TNFRSF19: variants seen among roughly 807,000 people sequenced by gnomAD.
TNFRSF19 encodes the protein TNF receptor superfamily member 19.
A neutral mutation model predicts 46.4 loss-of-function variants in TNFRSF19; 27 were observed. The ratio of observed to expected loss-of-function variants is 0.58; its 90% CI spans 0.43 to 0.80. The LOEUF is 0.80. Among genes scored for constraint, TNFRSF19 ranks in the 30% least tolerant of loss-of-function variants. The pLI is 0.00. For missense variants in TNFRSF19, 511 were observed against 530.8 expected, an observed-to-expected ratio of 0.96 and a Z score of 0.37; for synonymous variants, 204 against 205.0, an observed-to-expected ratio of 1.00 and a Z score of 0.04.
intron 3 of TNFRSF19, among the ~76,000 whole-genome samples, chr13:23,612,799 C>G (rs2138246031): frequency 6.6e-6 from 1 of 152,154 alleles, no homozygotes; most frequent in South Asian, 2.1e-4. Context: ...CCACAAAGAC[C>G]TCCACCACAT....
At chr13:23,625,473 C>T (rs543854242) in intron 4 of TNFRSF19, among the ~76,000 whole-genome samples, 44 of 151,922 alleles carry the variant, frequency 2.9e-4, no homozygotes, top group African/African-American at 9.4e-4. Flanking sequence ...GGACTACAGG[C>T]GCCCGCCACC....
chr13:23,651,838 G>GCC (rs1883655871), intron 5 of TNFRSF19, among the ~76,000 whole-genome samples: 1 of 43,136 alleles, frequency 2.3e-5, no homozygotes, highest in South Asian at 7.3e-4. Flanking sequence ...TCACACTATA[G>GCC]TCTTTTTTTT....
chr13:23,642,678 C>T (rs1007254342), intron 5 of TNFRSF19, among the ~76,000 whole-genome samples: 2 of 152,210 alleles, frequency 1.3e-5, no homozygotes, highest in Admixed American at 6.5e-5. Context: ...CTTGTTATCA[C>T]ACATGGACCA....
intron 1 of TNFRSF19, among the ~76,000 whole-genome samples, chr13:23,578,995 C>T (rs1878167529): frequency 6.6e-6 from 1 of 152,262 alleles, no homozygotes; most frequent in Admixed American, 6.5e-5. Context: ...ACCTGGCCGC[C>T]GTATCCCCTC....
chr13:23,575,482 C>G (rs1877894080), intron 1 of TNFRSF19, among the ~76,000 whole-genome samples: 1 of 152,200 alleles, frequency 6.6e-6, no homozygotes, highest in Non-Finnish European at 1.5e-5. Context: ...GGGCATTGGC[C>G]TCACGGTGCT....
At chr13:23,655,738 G>GCCC (rs11335098) in intron 5 of TNFRSF19, among the ~76,000 whole-genome samples, 6 of 149,926 alleles carry the variant, frequency 4.0e-5, no homozygotes, top group African/African-American at 1.2e-4. Context: ...GTATAAATCT[G>GCCC]CCCCCCCCCC....
intron 3 of TNFRSF19, among the ~76,000 whole-genome samples, chr13:23,597,310 GT>G (rs906474753): frequency 1.3e-5 from 2 of 151,602 alleles, no homozygotes; most frequent in Admixed American, 1.3e-4. Context: ...TCCAGGAGCT[GT>G]TTTTTTTAAA....
At chr13:23,661,484 A>G (rs889959643) in intron 7 of TNFRSF19, among the ~76,000 whole-genome samples, 12 of 152,192 alleles carry the variant, frequency 7.9e-5, no homozygotes, top group African/African-American at 2.9e-4. Context: ...GCTATTGTGA[A>G]TAGTGCAGCA....
rs9580705 is a variant in TNFRSF19 at position 23,638,252 on chromosome 13, G to C, written c.445+11460G>C. Among the ~76,000 whole-genome samples, 1,242 of 152,104 alleles carry C rather than the reference G, an allele frequency of 8.2e-3. 16 individuals carry two copies. Among genetic ancestry groups the C allele is most frequent in the African/African-American group, 0.029 (1,185 of 41,386 alleles). ...TCTCATGTTTGTGAGAAACACTGTA[G>C]GTAATCTGCTGCCATTGTGCAGCTT... is the stretch of plus-strand genomic sequence containing the variant. On this transcript the variant is annotated intron_variant, in intron 5 of 9. Transcript: ENST00000248484.
At chr13:23,576,603 T>C (rs1056878077) in intron 1 of TNFRSF19, among the ~76,000 whole-genome samples, 1 of 152,182 alleles carries the variant, frequency 6.6e-6, no homozygotes, top group Non-Finnish European at 1.5e-5. Flanking sequence ...GATACCAAAA[T>C]CTGCAAATGC....
chr13:23,637,512 G>A (rs1422336564), intron 5 of TNFRSF19, among the ~76,000 whole-genome samples: 2 of 152,168 alleles, frequency 1.3e-5, no homozygotes, highest in South Asian at 2.1e-4. Context: ...GTGCTTTGCC[G>A]TAAGTCCTGT....
intron 5 of TNFRSF19, among the ~76,000 whole-genome samples, chr13:23,635,788 T>C (rs1337694972): frequency 6.6e-6 from 1 of 152,252 alleles, no homozygotes; most frequent in Non-Finnish European, 1.5e-5. Context: ...GTTTTCTTAA[T>C]TAAATATTTA....
At chr13:23,607,323 A>G (rs1332386973) in intron 3 of TNFRSF19, among the ~76,000 whole-genome samples, 1 of 152,030 alleles carries the variant, frequency 6.6e-6, no homozygotes, top group East Asian at 1.9e-4. Flanking sequence ...AATCCCAGCT[A>G]CTCAGGAGGC....
intron 3 of TNFRSF19, among the ~76,000 whole-genome samples, chr13:23,603,011 A>G (rs1880271273): frequency 6.6e-6 from 1 of 152,082 alleles, no homozygotes; most frequent in South Asian, 2.1e-4. Context: ...GCAGAAATCA[A>G]TGAAATTAAA....
intron 4 of TNFRSF19, among the ~76,000 whole-genome samples, chr13:23,619,587 C>A (rs955467235): frequency 5.9e-5 from 9 of 152,166 alleles, no homozygotes; most frequent in Non-Finnish European, 1.3e-4. Context: ...GGTCTATAAT[C>A]TCAGACCTGT....
intron 5 of TNFRSF19, among the ~76,000 whole-genome samples, chr13:23,657,325 C>T (rs1043825160): frequency 1.3e-5 from 2 of 152,062 alleles, no homozygotes; most frequent in African/African-American, 4.8e-5. Flanking sequence ...AGGTGTCATA[C>T]GATCTTATTG....
chr13:23,595,461 A>G (rs534621573), intron 3 of TNFRSF19, among the ~76,000 whole-genome samples: 3 of 152,334 alleles, frequency 2.0e-5, no homozygotes, highest in South Asian at 2.1e-4. Context: ...TTCATGAAGC[A>G]TACACAAGTA....
intron 7 of TNFRSF19, among the ~76,000 whole-genome samples, chr13:23,662,821 C>T (rs542774300): frequency 7.9e-5 from 12 of 152,182 alleles, no homozygotes; most frequent in African/African-American, 2.9e-4. Flanking sequence ...TTGGCTTGGC[C>T]GTTGTTGGTG....
intron 3 of TNFRSF19, among the ~76,000 whole-genome samples, chr13:23,594,925 G>T (rs1310205067): frequency 6.6e-6 from 1 of 152,210 alleles, no homozygotes; most frequent in Admixed American, 6.5e-5. Flanking sequence ...GGAACAGGCA[G>T]CAGTCTTTGC....
Sources: allele counts gnomAD v4.1 joint callset (sites outside exome capture counted in the v4.1 genomes callset), GRCh38; gene constraint gnomAD v4.1.1; transcripts MANE v1.5; gene names NCBI Gene and HGNC (gene_info 2026-07-23, HGNC 2026-07-21).